SLC2A9: variants seen among roughly 807,000 people sequenced by gnomAD.
The protein encoded by SLC2A9 is solute carrier family 2, facilitated glucose transporter member 9.
SLC2A9 carries 39 observed loss-of-function variants against 50.6 expected under a neutral mutation model. That is an observed-to-expected ratio of 0.77 (90% CI 0.60 to 1.01). The LOEUF (loss-of-function observed/expected upper bound fraction) is 1.01, where lower values mean the gene tolerates loss of function less well. Ranked by LOEUF, SLC2A9 falls within the 50% of genes least tolerant of loss-of-function variation. The pLI, the probability that SLC2A9 is intolerant of heterozygous loss-of-function variation, is 0.00. For synonymous variants in SLC2A9, 324 were observed against 276.9 expected (o/e 1.17, Z -1.69); for missense variants, 686 against 677.6 (o/e 1.01, Z -0.14).
At position 9,996,895 on chromosome 4, in the gene SLC2A9, C is replaced by T. The variant is rs760531966; in HGVS notation, c.296G>A (p.Arg99His). 3.7e-6 allele frequency: 6 copies of T among 1,614,106 alleles called. No homozygotes were observed. Among genetic ancestry groups the T allele is most frequent in the Admixed American group, 1.7e-5 (1 of 60,032 alleles). Residue 99 changes from arginine (R) to histidine (H), a missense_variant, in exon 3 of 12, where the codon CGT becomes CAT. Physicochemically the swap from Arg to His is conservative, Grantham distance 29. Coordinates refer to ENST00000264784, the MANE Select transcript of SLC2A9 (RefSeq NM_020041.3). ...AGTCAGAGTGTCTGGGTCTATTGGA[C>T]GTCCATGCCTTCTTTCCCATGACTC... is the stretch of plus-strand genomic sequence containing the variant. The part of the protein sequence containing the change: ...YNESWERRHG[R>H]PIDPDTLTLL...
chr4:9,865,090 T>C (rs911380406), intron 10 of SLC2A9, among the ~76,000 whole-genome samples: 4 of 152,270 alleles, frequency 2.6e-5, no homozygotes, highest in Non-Finnish European at 5.9e-5. Context: ...CAGACTGGTC[T>C]GAGTCCCAAG....
At chr4:9,923,900 T>C (rs938552) in intron 6 of SLC2A9, 109,171 of 152,092 alleles carry the variant, frequency 0.72, 40,070 homozygotes, top group East Asian at 0.98. Flanking sequence ...CCTGGCTACT[T>C]GCCTCGTTCT....
intron 4 of SLC2A9, among the ~76,000 whole-genome samples, chr4:9,982,876 T>G: frequency 6.6e-6 from 1 of 152,236 alleles, no homozygotes; most frequent in Non-Finnish European, 1.5e-5. Context: ...TTTATTTATG[T>G]ATTTACTTTT....
chr4:9,926,474 G>A (rs973578033), intron 6 of SLC2A9, among the ~76,000 whole-genome samples: 1 of 151,082 alleles, frequency 6.6e-6, no homozygotes, highest in Non-Finnish European at 1.5e-5. Context: ...AATAGCATTG[G>A]TGGTGTAACC....
intron 1 of SLC2A9, among the ~76,000 whole-genome samples, chr4:9,774,602 C>T (rs997750810): frequency 1.6e-4 from 25 of 152,146 alleles, no homozygotes; most frequent in African/African-American, 5.8e-4. Context: ...ACTGAAACTC[C>T]ACTTAGACAT....
At chr4:9,815,320 T>A (rs1388428255) in intron 3 of SLC2A9, among the ~76,000 whole-genome samples, 1 of 152,250 alleles carries the variant, frequency 6.6e-6, no homozygotes, top group East Asian at 1.9e-4. Context: ...AGAATTGGGC[T>A]GACTTCACAT....
chr4:9,960,642 C>T (rs1325104277), intron 5 of SLC2A9, among the ~76,000 whole-genome samples: 1 of 152,200 alleles, frequency 6.6e-6, no homozygotes, highest in Admixed American at 6.5e-5. Context: ...CATCTCTTCT[C>T]ATTTCCATTT....
chr4:9,938,097 A>G (rs1181853782), intron 6 of SLC2A9, among the ~76,000 whole-genome samples: 1 of 152,216 alleles, frequency 6.6e-6, no homozygotes, highest in Non-Finnish European at 1.5e-5. Flanking sequence ...AGTGAATTAA[A>G]TTGGCATTGG....
intron 3 of SLC2A9, among the ~76,000 whole-genome samples, chr4:9,804,087 T>C (rs1049923063): frequency 2.0e-5 from 3 of 152,204 alleles, no homozygotes; most frequent in Non-Finnish European, 1.5e-5. Flanking sequence ...AAGAAGTTCA[T>C]AGTTATAAGG....
chr4:9,922,066 C>A (rs1464580568), intron 6 of SLC2A9, among the ~76,000 whole-genome samples: 3 of 152,194 alleles, frequency 2.0e-5, no homozygotes, highest in Admixed American at 6.5e-5. Flanking sequence ...CATGTCCCTG[C>A]AAAGGATATG....
At chr4:9,871,212 T>G (rs1733374587) in intron 10 of SLC2A9, among the ~76,000 whole-genome samples, 1 of 152,180 alleles carries the variant, frequency 6.6e-6, no homozygotes, top group Non-Finnish European at 1.5e-5. Flanking sequence ...TGGAAATCAC[T>G]CATTTCCAAA....
chr4:9,808,053 GC>G (rs1389666113), intron 3 of SLC2A9, among the ~76,000 whole-genome samples: 1 of 152,218 alleles, frequency 6.6e-6, no homozygotes. Context: ...CATCGTGGAA[GC>G]CCCATTGCCA....
intron 7 of SLC2A9, 144 bp downstream of exon 7, chr4:9,920,241 T>C (rs1180211347): frequency 2.4e-6 from 2 of 817,256 alleles, no homozygotes; most frequent in African/African-American, 1.7e-5. Context: ...ATCAGTCAAG[T>C]TACATGGTTA....
In SLC2A9 at chr4:9,982,871, T is replaced by G. The variant is rs900525672; in HGVS notation, c.536-2134A>C. ...AACATCGTTTATTTTATTTATTTAT[T>G]TATGTATTTACTTTTGAGATCGAGT... On this transcript the variant is annotated intron_variant, in intron 4 of 11. Coordinates refer to ENST00000264784, the MANE Select transcript of SLC2A9 (RefSeq NM_020041.3). Among the ~76,000 whole-genome samples the G allele has an allele frequency of 2.6e-5, 4 of 152,330 alleles. No homozygotes were observed. In the South Asian group the frequency reaches 8.3e-4, roughly 32 times the overall value.
chr4:9,920,249 T>C (rs927610422), intron 7 of SLC2A9, 136 bp downstream of exon 7: 13 of 876,664 alleles, frequency 1.5e-5, no homozygotes, highest in African/African-American at 1.3e-4. Flanking sequence ...AGTTACATGG[T>C]TACCTAACAG....
At chr4:9,953,325 T>C (rs1750646753) in intron 5 of SLC2A9, among the ~76,000 whole-genome samples, 1 of 152,232 alleles carries the variant, frequency 6.6e-6, no homozygotes, top group Admixed American at 6.5e-5. Context: ...CCACACTGTA[T>C]CATCTGCCTG....
intron 8 of SLC2A9, among the ~76,000 whole-genome samples, chr4:9,907,638 A>G (rs1266464369): frequency 6.6e-6 from 1 of 152,246 alleles, no homozygotes; most frequent in Admixed American, 6.5e-5. Flanking sequence ...TGGAGATTCA[A>G]GCCAATTCTC....
At chr4:9,946,999 C>T (rs900444720) in intron 5 of SLC2A9, among the ~76,000 whole-genome samples, 1 of 152,194 alleles carries the variant, frequency 6.6e-6, no homozygotes, top group Admixed American at 6.5e-5. Context: ...TCCAAGCCTG[C>T]TTTAGGCTAG....
intron 10 of SLC2A9, among the ~76,000 whole-genome samples, chr4:9,878,546 C>T (rs1263831988): frequency 6.6e-6 from 1 of 152,078 alleles, no homozygotes; most frequent in Non-Finnish European, 1.5e-5. Flanking sequence ...GGCATGAAAG[C>T]TCCATGCCCC....
Sources: gnomAD v4.1 joint callset for allele counts (sites outside exome capture counted in the v4.1 genomes callset) on GRCh38, gnomAD v4.1.1 for gene constraint, MANE v1.5 for transcripts, NCBI Gene and HGNC (gene_info 2026-07-23, HGNC 2026-07-21) for gene names.